The following FAM107B variants were observed in gnomAD, a reference collection of about 807,000 sequenced individuals.
FAM107B encodes protein FAM107B.
In FAM107B, 21 loss-of-function variants were observed where a neutral mutation model predicts 31.5. That is an observed-to-expected ratio of 0.67 (90% CI 0.47 to 0.96). The LOEUF (loss-of-function observed/expected upper bound fraction) is 0.96, where lower values mean the gene tolerates loss of function less well. Ranked by LOEUF, FAM107B falls within the 40% of genes least tolerant of loss-of-function variation. FAM107B has a pLI of 0.00. For missense variants in FAM107B, 452 were observed against 377.1 expected, an observed-to-expected ratio of 1.20 and a Z score of -1.64; for synonymous variants, 157 against 141.5, an observed-to-expected ratio of 1.11 and a Z score of -0.78.
intron 3 of FAM107B, among the ~76,000 whole-genome samples, chr10:14,522,966 G>A (rs990455282): frequency 2.6e-5 from 4 of 151,922 alleles, no homozygotes; most frequent in Non-Finnish European, 5.9e-5. Flanking sequence ...AAAGCAAGTC[G>A]GCCTTCAGGG....
At chr10:14,587,397 G>C (rs543680941) in intron 2 of FAM107B, among the ~76,000 whole-genome samples, 1 of 152,030 alleles carries the variant, frequency 6.6e-6, no homozygotes. Context: ...ATCCAATCGC[G>C]GGAAGTTGCT....
intron 2 of FAM107B, chr10:14,604,130 GCCGC>G (rs900557535): frequency 7.8e-6 from 5 of 641,438 alleles, no homozygotes; most frequent in African/African-American, 6.0e-5. Context: ...CACCCGCCCG[GCCGC>G]CCGCCCGCCG....
intron 2 of FAM107B, among the ~76,000 whole-genome samples, chr10:14,583,949 G>A (rs1424525275): frequency 1.3e-5 from 2 of 152,206 alleles, no homozygotes; most frequent in African/African-American, 2.4e-5. Flanking sequence ...GTGTTTCATG[G>A]CAAGTCTTAG....
At chr10:14,698,861 TAATGG>T (rs1855328513) in intron 1 of FAM107B, among the ~76,000 whole-genome samples, 1 of 152,170 alleles carries the variant, frequency 6.6e-6, no homozygotes, top group South Asian at 2.1e-4. Context: ...CCATTGAAAG[TAATGG>T]CAAAACCCAC....
intron 2 of FAM107B, among the ~76,000 whole-genome samples, chr10:14,589,153 G>A (rs1184885734): frequency 6.7e-6 from 1 of 149,262 alleles, no homozygotes. Flanking sequence ...TACAGCCTAG[G>A]TGACACACCG....
At chr10:14,579,562 G>T (rs1455335988) in intron 2 of FAM107B, among the ~76,000 whole-genome samples, 2 of 152,108 alleles carry the variant, frequency 1.3e-5, no homozygotes, top group Non-Finnish European at 2.9e-5. Context: ...GCAAAGAAAT[G>T]GAAATTCTAC....
rs151197675 is a variant in FAM107B, at chr10:14,523,652, A to G, written c.654-1633T>C. Among the ~76,000 whole-genome samples the G allele has an allele frequency of 6.6e-5, 10 of 152,292 alleles. 1 individual carries two copies. The East Asian group carries it at 1.9e-3, about 29-fold the overall frequency. On this transcript the variant is annotated intron_variant, in intron 3 of 4. Transcript: ENST00000181796. Reference sequence around the variant, plus strand: ...AGCAACTGTTAAATAACAATTTCCAATATATGTGCTCCGGCCAGAGAAATT... The same window carrying G: ...AGCAACTGTTAAATAACAATTTCCAGTATATGTGCTCCGGCCAGAGAAATT...
intron 1 of FAM107B, among the ~76,000 whole-genome samples, chr10:14,695,676 A>G (rs966731014): frequency 6.6e-6 from 1 of 152,144 alleles, no homozygotes; most frequent in Non-Finnish European, 1.5e-5. Flanking sequence ...AATGTTTTAT[A>G]GTTTTCAGTG....
intron 1 of FAM107B, among the ~76,000 whole-genome samples, chr10:14,721,893 TG>T (rs997307993): frequency 1.9e-4 from 29 of 152,350 alleles, no homozygotes; most frequent in African/African-American, 6.7e-4. Flanking sequence ...CCATTGCTTT[TG>T]GTGTTTTAGA....
At chr10:14,728,306 A>T (rs1348682140) in intron 1 of FAM107B, among the ~76,000 whole-genome samples, 11 of 148,590 alleles carry the variant, frequency 7.4e-5, no homozygotes, top group Admixed American at 6.7e-4. Flanking sequence ...TCCCATTTTG[A>T]TTATTTCTTT....
At chr10:14,772,180 C>T (rs1236472336) in intron 1 of FAM107B, among the ~76,000 whole-genome samples, 1 of 151,840 alleles carries the variant, frequency 6.6e-6, no homozygotes, top group Non-Finnish European at 1.5e-5. Context: ...CGGTGAAATC[C>T]CATCTCTACT....
Position 14,774,558 on chromosome 10 carries a change from C to T in FAM107B, c.106G>A (p.Glu36Lys), listed in dbSNP as rs1231333993. ...CCGGACTGATTGAAGGAAGCACTCT[C>T]CCTCGTATTCCCAAAACAGGCGAGC... Reference protein sequence around the residue: ...ALLACFGNTRESASFNQSGVA... With the variant: ...ALLACFGNTRKSASFNQSGVA... Residue 36 changes from glutamate to lysine, a missense_variant, in exon 1 of 5, where the codon GAG becomes AAG. Transcript: ENST00000181796. The T allele has an allele frequency of 1.2e-6, 2 of 1,614,078 alleles. No homozygotes were observed. The highest frequency in any genetic ancestry group is 1.7e-6 in the Non-Finnish European group (2 of 1,180,042).
chr10:14,565,801 G>A (rs78775943), intron 2 of FAM107B, among the ~76,000 whole-genome samples: 209 of 152,256 alleles, frequency 1.4e-3, no homozygotes, highest in Middle Eastern at 3.4e-3. Context: ...GGGGATAATC[G>A]AGCGAGAGAA....
chr10:14,625,684 C>T (rs1181462924), intron 2 of FAM107B, among the ~76,000 whole-genome samples: 2 of 151,920 alleles, frequency 1.3e-5, no homozygotes, highest in Non-Finnish European at 2.9e-5. Context: ...AATCAAATTT[C>T]TTGGTCATTT....
At chr10:14,669,470 A>C (rs1854490947) in intron 1 of FAM107B, among the ~76,000 whole-genome samples, 1 of 152,168 alleles carries the variant, frequency 6.6e-6, no homozygotes, top group African/African-American at 2.4e-5. Context: ...CTATTCACAA[A>C]GATATGGAAT....
chr10:14,528,027 C>T (rs1846491759), intron 3 of FAM107B: 2 of 384,854 alleles, frequency 5.2e-6, no homozygotes, highest in Non-Finnish European at 1.0e-5. Context: ...GTATTTCCAA[C>T]CAGACCAAAA....
chr10:14,561,704 A>T (rs1001149640), intron 2 of FAM107B, among the ~76,000 whole-genome samples: 1 of 152,258 alleles, frequency 6.6e-6, no homozygotes, highest in African/African-American at 2.4e-5. Flanking sequence ...CCAGTCTAAT[A>T]CATAAAAGAA....
chr10:14,677,602 C>G (rs1281235700), intron 1 of FAM107B, among the ~76,000 whole-genome samples: 1 of 151,490 alleles, frequency 6.6e-6, no homozygotes, highest in Non-Finnish European at 1.5e-5. Flanking sequence ...GCCTGGGCGA[C>G]AGAGCGAGAC....
rs1845369313 is a variant in FAM107B, at chr10:14,518,877, G to A, written c.*2313C>T. ...AATGGAGCCATTTTTGTCAAAAAGT[G>A]GCTCAAAGCACAAAACTGCTCAGAT... On this transcript the variant is annotated 3_prime_UTR_variant, in exon 5 of 5. Transcript: ENST00000181796. The A allele has an allele frequency of 6.6e-6, 1 of 152,568 alleles. No individual in the cohort carries two copies. The highest frequency in any genetic ancestry group is 6.5e-5 in the Admixed American group (1 of 15,272). The allele number at this position is 152,568 out of a possible 1,614,324, so 9.5% of individuals were successfully genotyped here.
Sources: gnomAD v4.1 joint callset for allele counts (sites outside exome capture counted in the v4.1 genomes callset) on GRCh38, gnomAD v4.1.1 for gene constraint, MANE v1.5 for transcripts, NCBI Gene and HGNC (gene_info 2026-07-23, HGNC 2026-07-21) for gene names.